Variants in HEBP1 observed in about 807,000 individuals in gnomAD.
HEBP1 encodes the protein heme binding protein 1.
Under a neutral mutation model 20.4 loss-of-function variants are expected in HEBP1, and 13 were observed. The observed-to-expected ratio is 0.64, with a 90% CI of 0.42 to 1.01. HEBP1 has a LOEUF of 1.01. Ranked by LOEUF, HEBP1 falls within the 50% of genes least tolerant of loss-of-function variation. The pLI is 0.00. For synonymous variants in HEBP1, 92 were observed against 90.7 expected (o/e 1.01, Z -0.08); for missense variants, 241 against 247.3 (o/e 0.97, Z 0.17).
intron 1 of HEBP1, among the ~76,000 whole-genome samples, chr12:12,990,259 C>T (rs1283317409): frequency 6.6e-6 from 1 of 151,986 alleles, no homozygotes; most frequent in Admixed American, 6.6e-5. Context: ...GCCTCGACCT[C>T]CTGAGCTCAA....
chr12:12,989,477 A>C, intron 1 of HEBP1, 62 bp from the exon 2 acceptor site: 1 of 1,567,608 alleles, frequency 6.4e-7, no homozygotes, highest in Non-Finnish European at 8.7e-7. Context: ...ATGTCTCTAG[A>C]AGTAGTAACA....
chr12:12,994,954 T>C (rs1864273265), intron 1 of HEBP1, among the ~76,000 whole-genome samples: 2 of 152,354 alleles, frequency 1.3e-5, no homozygotes, highest in South Asian at 2.1e-4. Flanking sequence ...CATTCATTCA[T>C]CAAGTTCTTA....
intron 3 of HEBP1, 72 bp downstream of exon 3, chr12:12,987,080 G>T: frequency 7.9e-7 from 1 of 1,269,042 alleles, no homozygotes; most frequent in Non-Finnish European, 1.1e-6. Context: ...GCGAATGCTT[G>T]CCAGAGGTGA....
Position 12,999,414 on chromosome 12 carries a change from C to T in HEBP1, c.78+623G>A, listed in dbSNP as rs11055189. Among the ~76,000 whole-genome samples, 174 of 152,340 alleles carry T rather than the reference C, an allele frequency of 1.1e-3. 5 individuals are homozygous for T. The East Asian group carries it at 0.032, about 28-fold the overall frequency. On this transcript the variant is annotated intron_variant, in intron 1 of 3. Coordinates refer to ENST00000014930, the MANE Select transcript of HEBP1 (RefSeq NM_015987.5). ...TACTTCAATACCGCCACGGTCGATC[C>T]GATCACCAAGCTAGCTACTAAGTGA... is the stretch of plus-strand genomic sequence containing the variant.
At position 12,998,540 on chromosome 12, in the gene HEBP1, A is replaced by G. The variant is rs1864317685; in HGVS notation, c.78+1497T>C. Among the ~76,000 whole-genome samples, 1 of 152,200 alleles carries G rather than the reference A, an allele frequency of 6.6e-6. No individual in the cohort carries two copies. Among genetic ancestry groups the G allele is most frequent in the South Asian group, 2.1e-4 (1 of 4,836 alleles). On this transcript the variant is annotated intron_variant, in intron 1 of 3. Transcript: ENST00000014930. The surrounding 1 kb of genome is among the most constrained non-coding windows in gnomAD (Gnocchi z 4.2). Reference sequence around the variant, plus strand: ...TTTCCATTACCTGCCTGGTTGCTGCAGGTATTCAAATGTGGGACCTCTGAT... The same window carrying G: ...TTTCCATTACCTGCCTGGTTGCTGCGGGTATTCAAATGTGGGACCTCTGAT...
intron 3 of HEBP1, chr12:12,983,780 C>G (rs1279955260): frequency 2.2e-6 from 1 of 456,028 alleles, no homozygotes; most frequent in African/African-American, 2.0e-5. Flanking sequence ...CACCGACCTG[C>G]CTTTGATAGT....
intron 3 of HEBP1, among the ~76,000 whole-genome samples, chr12:12,978,199 G>GTTTTTT (rs76634642): frequency 8.0e-5 from 6 of 75,088 alleles, no homozygotes; most frequent in African/African-American, 2.2e-4. Context: ...CTACGAAAGG[G>GTTTTTT]TTTTTTTTTT....
rs182805808 is a variant in HEBP1 at position 12,996,225 on chromosome 12, T to A, written c.78+3812A>T. On this transcript the variant is annotated intron_variant, in intron 1 of 3. Transcript: ENST00000014930. This position sits in a 1 kb window ranked among gnomAD's most constrained non-coding sequence, Gnocchi z 4.1. ...TGAAACTGGGGAACAAGAGGTTAAG[T>A]AACATGCCCAAACTGCAGCGGGTGA... Among the ~76,000 whole-genome samples the A allele has an allele frequency of 8.7e-4, 133 of 152,322 alleles. 1 individual carries two copies. The highest frequency in any genetic ancestry group is 7.3e-5 in the Non-Finnish European group (5 of 68,028).
At chr12:12,999,248 A>G (rs1034103740) in intron 1 of HEBP1, among the ~76,000 whole-genome samples, 1 of 152,242 alleles carries the variant, frequency 6.6e-6, no homozygotes, top group Non-Finnish European at 1.5e-5. Context: ...TTTCCTATAC[A>G]TACATACCTA....
At position 12,996,597 on chromosome 12, in the gene HEBP1, A is replaced by G. The variant is rs1183622569; in HGVS notation, c.78+3440T>C. Among the ~76,000 whole-genome samples the G allele has an allele frequency of 1.3e-5, 2 of 152,154 alleles. No individual in the cohort carries two copies. The highest frequency in any genetic ancestry group is 2.9e-5 in the Non-Finnish European group (2 of 68,034). ...ACCCAGGCTGTTTCCAGGATAAAAT[A>G]TAATTTCAGGGAGAGGTTCTCTTCA... On this transcript the variant is annotated intron_variant, in intron 1 of 3. Coordinates refer to ENST00000014930, the MANE Select transcript of HEBP1 (RefSeq NM_015987.5). This position sits in a 1 kb window ranked among gnomAD's most constrained non-coding sequence, Gnocchi z 4.1.
chr12:12,994,098 T>C (rs1335025232), intron 1 of HEBP1, among the ~76,000 whole-genome samples: 1 of 152,100 alleles, frequency 6.6e-6, no homozygotes, highest in African/African-American at 2.4e-5. Context: ...TGGTGAGGAG[T>C]ATTACACAAA....
chr12:12,989,843 C>A (rs1369783171), intron 1 of HEBP1, among the ~76,000 whole-genome samples: 2 of 152,128 alleles, frequency 1.3e-5, no homozygotes, highest in African/African-American at 4.8e-5. Flanking sequence ...GACAATCCAA[C>A]AAAACTGTGA....
intron 1 of HEBP1, among the ~76,000 whole-genome samples, chr12:12,995,385 T>C (rs1327018526): frequency 6.6e-6 from 1 of 152,198 alleles, no homozygotes; most frequent in African/African-American, 2.4e-5. Flanking sequence ...GCCTTGCATA[T>C]TGTAGGCACT....
chr12:12,975,388 C>G lies in HEBP1; in HGVS notation c.490G>C (p.Asp164His), dbSNP rs375870689. ...ALEGTATYRG[D>H]IYFCTGYDPP... ...TCATAACCCGTGCAGAAGTAGATGT[C>G]CCCCCGGTAGGTGGCTGTGCCCTCC... Residue 164 changes from aspartate to histidine, a missense_variant, in exon 4 of 4, where the codon GAC (aspartate) becomes CAC (histidine). Transcript: ENST00000014930. The G allele has an allele frequency of 6.2e-7, 1 of 1,613,386 alleles. No homozygotes were observed. The highest frequency in any genetic ancestry group is 1.1e-5 in the South Asian group (1 of 91,032).
intron 3 of HEBP1, among the ~76,000 whole-genome samples, chr12:12,981,770 A>G (rs1182592604): frequency 6.6e-6 from 1 of 152,178 alleles, no homozygotes; most frequent in Non-Finnish European, 1.5e-5. Flanking sequence ...GGAATGAACG[A>G]GTGGGTAAAT....
intron 1 of HEBP1, among the ~76,000 whole-genome samples, chr12:12,992,228 G>C (rs1298838337): frequency 6.6e-6 from 1 of 152,184 alleles, no homozygotes; most frequent in South Asian, 2.1e-4. Flanking sequence ...TTTTGAGACA[G>C]AGTCTTGCTC....
At chr12:12,990,116 GCACACACACACACACACA>G (rs36210276) in intron 1 of HEBP1, among the ~76,000 whole-genome samples, 3 of 149,510 alleles carry the variant, frequency 2.0e-5, no homozygotes, top group African/African-American at 7.4e-5. Context: ...TACTCTCTGT[GCACACACACACACACACA>G]CACACACACA....
chr12:12,992,753 A>G (rs1018644480), intron 1 of HEBP1, among the ~76,000 whole-genome samples: 12 of 152,196 alleles, frequency 7.9e-5, no homozygotes, highest in Admixed American at 5.9e-4. Context: ...GCTGCAGAGA[A>G]TTCCAGAACT....
At chr12:12,999,605 C>T (rs1476150290) in intron 1 of HEBP1, among the ~76,000 whole-genome samples, 1 of 152,232 alleles carries the variant, frequency 6.6e-6, no homozygotes, top group Non-Finnish European at 1.5e-5. Context: ...GAGCTGACCA[C>T]AGGTAACTGA....
Sources: allele counts gnomAD v4.1 joint callset (sites outside exome capture counted in the v4.1 genomes callset), GRCh38; gene constraint gnomAD v4.1.1; non-coding constraint Gnocchi (gnomAD v3.1); transcripts MANE v1.5; gene names NCBI Gene and HGNC (gene_info 2026-07-23, HGNC 2026-07-21).